Variants in SORL1 observed in about 807,000 individuals in gnomAD.
SORL1 encodes sortilin related receptor 1, also known as sortilin-related receptor.
SORL1 carries 127 observed loss-of-function variants against 273.7 expected under a neutral mutation model. That is an observed-to-expected ratio of 0.46 (90% confidence interval 0.40 to 0.54). SORL1 has a LOEUF of 0.54. Ranked by LOEUF, SORL1 falls within the 20% of genes least tolerant of loss-of-function variation. SORL1 has a pLI of 0.00. For synonymous variants in SORL1, 1,031 were observed against 1,067.4 expected (o/e 0.97, Z 0.66); for missense variants, 2,494 against 2,846.1 (o/e 0.88, Z 2.81).
intron 28 of SORL1, among the ~76,000 whole-genome samples, chr11:121,588,798 C>G (rs1008932703): frequency 9.8e-5 from 15 of 152,306 alleles, no homozygotes; most frequent in African/African-American, 3.6e-4. Context: ...AGGCCTCTCT[C>G]CCTGGCCTCA....
At chr11:121,618,003 A>G (rs926800382) in intron 41 of SORL1, among the ~76,000 whole-genome samples, 9 of 152,118 alleles carry the variant, frequency 5.9e-5, no homozygotes, top group Non-Finnish European at 1.0e-4. Context: ...TGTGTCTTCA[A>G]GCTCACCTCA....
chr11:121,501,883 T>C (rs867514742), intron 6 of SORL1, among the ~76,000 whole-genome samples: 1 of 152,174 alleles, frequency 6.6e-6, no homozygotes, highest in Non-Finnish European at 1.5e-5. Flanking sequence ...TTTTCAAGTT[T>C]CATTTATGTT....
chr11:121,530,148 A>C (rs4338539), intron 11 of SORL1, among the ~76,000 whole-genome samples: 19,701 of 152,260 alleles, frequency 0.13, 1,811 homozygotes, highest in African/African-American at 0.26. Flanking sequence ...CACATTACAA[A>C]ACCCACAAAG....
At chr11:121,506,915 A>G (rs1271743699) in intron 6 of SORL1, among the ~76,000 whole-genome samples, 1 of 151,836 alleles carries the variant, frequency 6.6e-6, no homozygotes, top group Non-Finnish European at 1.5e-5. Context: ...TTAAATACAG[A>G]TTTTCTAGGG....
chr11:121,616,528 C>T (rs192813189), intron 41 of SORL1, among the ~76,000 whole-genome samples: 34 of 152,356 alleles, frequency 2.2e-4, no homozygotes, highest in Admixed American at 2.6e-4. Flanking sequence ...GCCTTGTCCT[C>T]GGTGATGTCA....
intron 29 of SORL1, 113 bp downstream of exon 29, chr11:121,589,503 C>A: frequency 7.6e-7 from 1 of 1,321,700 alleles, no homozygotes; most frequent in Non-Finnish European, 1.1e-6. Context: ...TCCCGTAACT[C>A]AGCAGCAGTT....
intron 46 of SORL1, among the ~76,000 whole-genome samples, 197 bp downstream of exon 46, chr11:121,625,474 C>T (rs1230937936): frequency 1.3e-5 from 2 of 152,148 alleles, no homozygotes; most frequent in African/African-American, 4.8e-5. Flanking sequence ...GTACAGGAAG[C>T]TGAGATTACA....
chr11:121,619,947 GT>G, intron 43 of SORL1, 30 bp downstream of exon 43: 1 of 1,548,500 alleles, frequency 6.5e-7, no homozygotes, highest in Non-Finnish European at 8.9e-7. Flanking sequence ...AGGCCTCTTT[GT>G]TTATTCCTGG....
At chr11:121,570,568 G>A (rs974094171) in intron 23 of SORL1, among the ~76,000 whole-genome samples, 1 of 152,184 alleles carries the variant, frequency 6.6e-6, no homozygotes, top group Admixed American at 6.5e-5. Context: ...GGCAATCTGG[G>A]CTCTAATCTT....
chr11:121,607,035 G>T lies in SORL1; in HGVS notation c.5061+78G>T, dbSNP rs988817223. The stretch of plus-strand genomic sequence containing the variant: ...TCTGGGTATTCTGTATGACGAGGGG[G>T]TTGATTTGGTTTAGCTTTGTAGGTG... On this transcript the variant is annotated intron_variant, in intron 36 of 47. Coordinates refer to ENST00000260197, the MANE Select transcript of SORL1 (RefSeq NM_003105.6). The T allele has an allele frequency of 9.2e-6, 11 of 1,190,384 alleles. No individual in the cohort carries two copies. The South Asian group carries it at 1.1e-4, about 12-fold the overall frequency. The allele number at this position is 1,190,384 out of a possible 1,614,324, so 73.7% of individuals were successfully genotyped here.
In SORL1 at chr11:121,624,289, A is replaced by G. The variant is rs144812248; in HGVS notation, c.6172-796A>G. Among the ~76,000 whole-genome samples, 15 of 152,314 alleles carry G rather than the reference A, an allele frequency of 9.8e-5. No homozygotes were observed. In the East Asian group the frequency reaches 2.3e-3, roughly 24 times the overall value. On this transcript the variant is annotated intron_variant, in intron 45 of 47. Transcript: ENST00000260197. ...GGGGGCCCAATATGTGGCTAGAGAAAAGTGATGGAGTCTTTTCAGGGGGAT... is the reference window on the plus strand; with the variant it reads ...GGGGGCCCAATATGTGGCTAGAGAAGAGTGATGGAGTCTTTTCAGGGGGAT...
intron 31 of SORL1, among the ~76,000 whole-genome samples, chr11:121,593,186 C>A (rs1503423): frequency 6.6e-6 from 1 of 152,032 alleles, no homozygotes; most frequent in African/African-American, 2.4e-5. Context: ...GGCATTCTCC[C>A]CCTTTTTATT....
rs1862540884 is a variant in SORL1, at chr11:121,553,975, A to G, written c.2305A>G (p.Ile769Val). ...CATTCTGTATGCTGTGAGGAAATCC[A>G]TCTACCGCTATGACCTGGCCTCGGG... is the stretch of plus-strand genomic sequence containing the variant. ...EFILYAVRKS[I>V]YRYDLASGAT... The change falls in exon 17 of 48, where the codon ATC becomes GTC. Residue 769 changes from isoleucine (I) to valine (V), a missense_variant. This residue lies in a region of SORL1 where 710 missense variants were observed against 882.5 expected (regional missense o/e 0.80). Coordinates refer to ENST00000260197, the MANE Select transcript of SORL1 (RefSeq NM_003105.6). 6.2e-7 allele frequency: 1 copy of G among 1,614,210 alleles called. No homozygotes were observed. The highest frequency in any genetic ancestry group is 2.2e-5 in the East Asian group (1 of 44,886).
At position 121,519,499 on chromosome 11, in the gene SORL1, C is replaced by A. The variant is rs369800118; in HGVS notation, c.1212-1158C>A. Among the ~76,000 whole-genome samples, 5 of 152,088 alleles carry A rather than the reference C, an allele frequency of 3.3e-5. No homozygotes were observed. In the East Asian group the frequency reaches 9.7e-4, roughly 29 times the overall value. On this transcript the variant is annotated intron_variant, in intron 8 of 47. Transcript: ENST00000260197. ...CGATCTCGGCTCACTGCAAGCTCCG[C>A]GTCCCGGGTTCATGCCGTCCATATT...
At chr11:121,478,086 T>G in intron 2 of SORL1, 32 bp from the exon 3 acceptor site, 1 of 1,583,604 alleles carries the variant, frequency 6.3e-7, no homozygotes, top group Non-Finnish European at 8.6e-7. Context: ...CACCAACTCT[T>G]TCTTTTTCAT....
At chr11:121,614,320 G>A (rs776766024) in intron 40 of SORL1, 3 of 152,288 alleles carry the variant, frequency 2.0e-5, no homozygotes, top group Non-Finnish European at 4.4e-5. Context: ...TAATGCCATA[G>A]GTAGTATTGT....
chr11:121,586,188 C>T (rs779369376), intron 26 of SORL1, 34 bp from the exon 27 acceptor site: 11 of 1,541,118 alleles, frequency 7.1e-6, no homozygotes, highest in South Asian at 1.1e-5. Flanking sequence ...GTTTCCTCCT[C>T]GTCATTCTTC....
chr11:121,467,031 T>TTA (rs1295985105), intron 1 of SORL1, among the ~76,000 whole-genome samples: 1 of 16,362 alleles, frequency 6.1e-5, no homozygotes, highest in Non-Finnish European at 1.2e-4. Context: ...TCTTTTTTTC[T>TTA]TTTTTTTTTT....
At chr11:121,548,283 G>C (rs1037389495) in intron 14 of SORL1, among the ~76,000 whole-genome samples, 10 of 152,208 alleles carry the variant, frequency 6.6e-5, no homozygotes, top group African/African-American at 1.9e-4. Context: ...ATGACCTATG[G>C]TCAAAGAAAG....
Sources: allele counts gnomAD v4.1 joint callset (sites outside exome capture counted in the v4.1 genomes callset), GRCh38; gene constraint gnomAD v4.1.1; regional missense constraint gnomAD v4.1.1; transcripts MANE v1.5; gene names NCBI Gene and HGNC (gene_info 2026-07-23, HGNC 2026-07-21).